HECW1: variants seen among roughly 807,000 people sequenced by gnomAD.
The protein encoded by HECW1 is E3 ubiquitin-protein ligase HECW1.
Under a neutral mutation model 182.3 loss-of-function variants are expected in HECW1, and 61 were observed. The ratio of observed to expected loss-of-function variants is 0.33; its 90% CI spans 0.27 to 0.41. The LOEUF (loss-of-function observed/expected upper bound fraction) is 0.41. Ranked by LOEUF, HECW1 falls within the 10% of genes least tolerant of loss-of-function variation. The probability of loss-of-function intolerance (pLI) is 1.00; values close to 1 mark genes in which losing one functional copy is unlikely to be tolerated. For synonymous variants in HECW1, 859 were observed against 832.6 expected (o/e 1.03, Z -0.55); for missense variants, 1,739 against 2,108.9 (o/e 0.82, Z 3.44).
intron 2 of HECW1, among the ~76,000 whole-genome samples, chr7:43,198,155 CAT>C (rs1315573652): frequency 6.7e-6 from 1 of 150,266 alleles, no homozygotes; most frequent in African/African-American, 2.5e-5. Context: ...CTCTCACACT[CAT>C]ACTCACGCAC....
intron 3 of HECW1, among the ~76,000 whole-genome samples, chr7:43,255,752 C>T (rs1800504845): frequency 6.6e-6 from 1 of 152,050 alleles, no homozygotes; most frequent in African/African-American, 2.4e-5. Flanking sequence ...ATTAACAGGA[C>T]TCCAGTTTAG....
intron 2 of HECW1, among the ~76,000 whole-genome samples, chr7:43,222,390 G>A (rs1031391584): frequency 3.9e-5 from 6 of 152,132 alleles, no homozygotes; most frequent in Non-Finnish European, 8.8e-5. Context: ...GAAAGATTAT[G>A]GACTGTTCTA....
At chr7:43,297,543 G>C (rs1369292989) in intron 3 of HECW1, among the ~76,000 whole-genome samples, 2 of 152,148 alleles carry the variant, frequency 1.3e-5, no homozygotes, top group Non-Finnish European at 2.9e-5. Context: ...CATTCTCCAA[G>C]GTGGTTGGCA....
At chr7:43,348,044 A>G (rs1813909599) in intron 5 of HECW1, among the ~76,000 whole-genome samples, 1 of 152,216 alleles carries the variant, frequency 6.6e-6, no homozygotes, top group African/African-American at 2.4e-5. Context: ...AGAATGAATT[A>G]GAGAGGGTTC....
intron 3 of HECW1, among the ~76,000 whole-genome samples, chr7:43,254,410 C>T (rs1800351567): frequency 6.6e-6 from 1 of 152,194 alleles, no homozygotes; most frequent in Non-Finnish European, 1.5e-5. Flanking sequence ...TGAATTCGTT[C>T]AGGTAATTAA....
At chr7:43,425,385 T>C (rs1334373410) in intron 8 of HECW1, among the ~76,000 whole-genome samples, 2 of 152,106 alleles carry the variant, frequency 1.3e-5, no homozygotes, top group African/African-American at 4.8e-5. Context: ...ATCTTAATAA[T>C]GTCTTGGGCA....
chr7:43,112,708 T>C lies in HECW1; in HGVS notation c.-496T>C. ...GACTCTGACCGAACCGGCCCCCTCC[T>C]CGCGCACACACTCGCCGAGCCGCGC... On this transcript the variant is annotated 5_prime_UTR_variant, in exon 1 of 30. Coordinates refer to ENST00000395891, the MANE Select transcript of HECW1 (RefSeq NM_015052.5). The C allele has an allele frequency of 4.3e-6, 1 of 230,882 alleles. No homozygotes were observed. Among genetic ancestry groups the C allele is most frequent in the African/African-American group, 2.2e-5 (1 of 45,256 alleles). The allele number at this position is 230,882 out of a possible 1,614,324, so 14.3% of individuals were successfully genotyped here.
At chr7:43,372,850 G>A (rs1382375092) in intron 6 of HECW1, among the ~76,000 whole-genome samples, 2 of 151,986 alleles carry the variant, frequency 1.3e-5, no homozygotes, top group African/African-American at 4.8e-5. Flanking sequence ...GTGCTAAAAC[G>A]GTTGCCAAAT....
At chr7:43,176,469 G>T (rs1792258102) in intron 2 of HECW1, among the ~76,000 whole-genome samples, 1 of 152,126 alleles carries the variant, frequency 6.6e-6, no homozygotes, top group African/African-American at 2.4e-5. Context: ...CCTGTAGGTT[G>T]GGAAGCCCAA....
intron 6 of HECW1, among the ~76,000 whole-genome samples, chr7:43,369,086 A>C (rs1428555646): frequency 2.6e-5 from 4 of 152,204 alleles, no homozygotes; most frequent in Non-Finnish European, 5.9e-5. Context: ...CACTCATCAG[A>C]TAAACAGGGT....
At chr7:43,249,715 A>C (rs1040043653) in intron 3 of HECW1, among the ~76,000 whole-genome samples, 3 of 152,176 alleles carry the variant, frequency 2.0e-5, no homozygotes, top group African/African-American at 4.8e-5. Context: ...GTTTATTTTA[A>C]GTACTGTATA....
At chr7:43,429,804 G>T (rs2076485867) in intron 8 of HECW1, among the ~76,000 whole-genome samples, 3 of 152,090 alleles carry the variant, frequency 2.0e-5, no homozygotes, top group Admixed American at 1.3e-4. Flanking sequence ...TGGCTGAATG[G>T]TACCAGGCAG....
At chr7:43,497,610 C>T (rs1274406103) in intron 19 of HECW1, among the ~76,000 whole-genome samples, 2 of 152,032 alleles carry the variant, frequency 1.3e-5, no homozygotes, top group East Asian at 3.9e-4. Flanking sequence ...GGAACAGGGG[C>T]TATGCAGGAG....
intron 2 of HECW1, among the ~76,000 whole-genome samples, chr7:43,216,336 A>T (rs1394253893): frequency 2.0e-5 from 3 of 151,888 alleles, no homozygotes; most frequent in Non-Finnish European, 4.4e-5. Context: ...AGGAGAGACG[A>T]GCTTTCACCA....
chr7:43,313,356 A>G (rs1393294378), intron 4 of HECW1, among the ~76,000 whole-genome samples: 1 of 108,296 alleles, frequency 9.2e-6, no homozygotes, highest in Non-Finnish European at 1.6e-5. Context: ...TTTTTTTTTG[A>G]GATGGAGTTT....
intron 2 of HECW1, among the ~76,000 whole-genome samples, chr7:43,219,067 G>T (rs1380475851): frequency 6.6e-6 from 1 of 152,068 alleles, no homozygotes; most frequent in Non-Finnish European, 1.5e-5. Context: ...TGTCATTCAT[G>T]TAGCCTGCGA....
At chr7:43,333,026 A>G (rs1811690751) in intron 5 of HECW1, among the ~76,000 whole-genome samples, 1 of 152,234 alleles carries the variant, frequency 6.6e-6, no homozygotes, top group Admixed American at 6.5e-5. Flanking sequence ...CCAATAGACC[A>G]AAGTAGGCCA....
intron 2 of HECW1, among the ~76,000 whole-genome samples, chr7:43,164,728 A>G (rs1448671359): frequency 1.3e-5 from 2 of 152,332 alleles, no homozygotes; most frequent in Non-Finnish European, 2.9e-5. Context: ...AGAGGCGAGG[A>G]CAGAGAGCGC....
chr7:43,380,422 G>A (rs141059268), intron 6 of HECW1, among the ~76,000 whole-genome samples: 79 of 152,126 alleles, frequency 5.2e-4, no homozygotes, highest in Non-Finnish European at 1.0e-3. Flanking sequence ...TCGTGCTGTA[G>A]TTTTTCATTC....
Sources: gnomAD v4.1 joint callset for allele counts (sites outside exome capture counted in the v4.1 genomes callset) on GRCh38, gnomAD v4.1.1 for gene constraint, MANE v1.5 for transcripts, NCBI Gene and HGNC (gene_info 2026-07-23, HGNC 2026-07-21) for gene names.